The following CNGA1 variants were observed in gnomAD, a reference collection of about 807,000 sequenced individuals.
CNGA1 encodes the protein cyclic nucleotide-gated channel alpha-1.
In CNGA1, 53 loss-of-function variants were observed where a neutral mutation model predicts 69.7. That is an observed-to-expected ratio of 0.76 (90% CI 0.61 to 0.96). CNGA1 has a LOEUF of 0.96. Ranked by LOEUF, CNGA1 falls within the 40% of genes least tolerant of loss-of-function variation. CNGA1 has a pLI of 0.00. For missense variants in CNGA1, 739 were observed against 811.2 expected, an observed-to-expected ratio of 0.91 and a Z score of 1.08; for synonymous variants, 249 against 283.5, an observed-to-expected ratio of 0.88 and a Z score of 1.22.
At chr4:48,007,216 A>C (rs1714958780) in intron 2 of CNGA1, among the ~76,000 whole-genome samples, 1 of 152,214 alleles carries the variant, frequency 6.6e-6, no homozygotes, top group Non-Finnish European at 1.5e-5. Flanking sequence ...AACTTCCATA[A>C]GCCTTTTATA....
chr4:47,972,224 A>G (rs574075843), intron 3 of CNGA1, among the ~76,000 whole-genome samples: 1 of 152,346 alleles, frequency 6.6e-6, no homozygotes, highest in African/African-American at 2.4e-5. Flanking sequence ...ATTCCAGCCT[A>G]TAAATACATA....
chr4:47,954,679 C>G lies in CNGA1; in HGVS notation c.-14-1976G>C, dbSNP rs186725295. Reference sequence around the variant, plus strand: ...CTAATTCCCTACTGGCCTTGATCACCTAGGCGTGGAGTTTGATACCTGCCC... The same window carrying G: ...CTAATTCCCTACTGGCCTTGATCACGTAGGCGTGGAGTTTGATACCTGCCC... On this transcript the variant is annotated intron_variant, in intron 3 of 10. Transcript: ENST00000514170. Among the ~76,000 whole-genome samples, 189 of 152,340 alleles carry G rather than the reference C, an allele frequency of 1.2e-3. 1 individual carries two copies. Among genetic ancestry groups the G allele is most frequent in the African/African-American group, 4.5e-3 (188 of 41,576 alleles).
At chr4:47,937,995 G>A (rs2110131315) in intron 10 of CNGA1, among the ~76,000 whole-genome samples, 166 bp from the exon 11 acceptor site, 1 of 152,060 alleles carries the variant, frequency 6.6e-6, no homozygotes, top group South Asian at 2.1e-4. Context: ...ACCTATGGCT[G>A]TAGAAAATAT....
In CNGA1 at chr4:47,955,533, A is replaced by G. The variant is rs146910395; in HGVS notation, c.-14-2830T>C. On this transcript the variant is annotated intron_variant, in intron 3 of 10. Transcript: ENST00000514170. ...GTCTATGCTATGAGAACAGATTATT[A>G]CTAAGGTACAAAGTGGTGTTCCAGC... Among the ~76,000 whole-genome samples, 19 of 152,228 alleles carry G rather than the reference A, an allele frequency of 1.2e-4. No individual in the cohort carries two copies. In the East Asian group the frequency reaches 3.1e-3, roughly 25 times the overall value.
chr4:47,992,293 A>G (rs1174627218), intron 2 of CNGA1, among the ~76,000 whole-genome samples: 2 of 152,174 alleles, frequency 1.3e-5, no homozygotes, highest in Non-Finnish European at 2.9e-5. Flanking sequence ...CTACCCATCC[A>G]TGAGCATGGG....
intron 3 of CNGA1, among the ~76,000 whole-genome samples, chr4:47,959,869 G>T (rs1453321288): frequency 6.6e-6 from 1 of 152,164 alleles, no homozygotes; most frequent in African/African-American, 2.4e-5. Flanking sequence ...GCCTCCCAAA[G>T]TGCTGGGATT....
intron 10 of CNGA1, 23 bp from the exon 11 acceptor site, chr4:47,937,852 T>A: frequency 6.4e-7 from 1 of 1,552,038 alleles, no homozygotes; most frequent in Non-Finnish European, 8.9e-7. Flanking sequence ...ATAAAATCAA[T>A]TCAGTGTTTC....
At chr4:48,004,334 C>A (rs1467690746) in intron 2 of CNGA1, among the ~76,000 whole-genome samples, 2 of 152,172 alleles carry the variant, frequency 1.3e-5, no homozygotes, top group Non-Finnish European at 2.9e-5. Context: ...GTCTCCGCGT[C>A]TTTGTGGTAG....
intron 3 of CNGA1, among the ~76,000 whole-genome samples, chr4:47,972,636 T>C (rs1741104259): frequency 6.6e-6 from 1 of 152,222 alleles, no homozygotes; most frequent in Non-Finnish European, 1.5e-5. Flanking sequence ...CTCTCATGTG[T>C]TTATTAATCA....
At chr4:47,937,895 A>G (rs1738777496) in intron 10 of CNGA1, 66 bp from the exon 11 acceptor site, 1 of 1,244,098 alleles carries the variant, frequency 8.0e-7, no homozygotes, top group Admixed American at 1.8e-5. Flanking sequence ...TTTTGTGAAT[A>G]ACTGTCAATT....
chr4:48,001,724 G>A (rs1714671798), intron 2 of CNGA1, among the ~76,000 whole-genome samples: 1 of 152,104 alleles, frequency 6.6e-6, no homozygotes, highest in African/African-American at 2.4e-5. Context: ...CCCAGCAACT[G>A]CAGAATACAC....
At chr4:47,945,969 T>C (rs1739372499) in intron 6 of CNGA1, among the ~76,000 whole-genome samples, 1 of 152,140 alleles carries the variant, frequency 6.6e-6, no homozygotes, top group African/African-American at 2.4e-5. Flanking sequence ...GTAATGTACA[T>C]AATTCCTGAA....
chr4:47,994,487 A>G (rs995306033), intron 2 of CNGA1, among the ~76,000 whole-genome samples: 9 of 152,160 alleles, frequency 5.9e-5, no homozygotes, highest in Non-Finnish European at 1.3e-4. Context: ...CTGATGTAAG[A>G]ATCCTGCCTG....
chr4:47,976,187 A>G (rs1393483856), intron 3 of CNGA1, among the ~76,000 whole-genome samples: 1 of 37,180 alleles, frequency 2.7e-5, no homozygotes, highest in African/African-American at 1.1e-4. Flanking sequence ...ACATATATAT[A>G]TACATATATA....
At position 47,936,567 on chromosome 4, in the gene CNGA1, G is replaced by A. The variant is rs750954043; in HGVS notation, c.1915C>T (p.Arg639Ter). ...ATGGACTCATACTCAGCCAAGATTCGGGCAAACCTGGTTTGCAGGAGGTCT... is the reference window on the plus strand; with the variant it reads ...ATGGACTCATACTCAGCCAAGATTCAGGCAAACCTGGTTTGCAGGAGGTCT... ...SVDLLQTRFA[R>*]ILAEYESMQQ... is the part of the protein sequence containing the mutation. The change falls in exon 11 of 11, where the codon CGA (arginine) becomes TGA (stop). Residue 639 changes from arginine (R) to a stop codon, truncating the protein, a stop_gained. Transcript: ENST00000514170. LOFTEE classifies it high-confidence loss of function. The A allele has an allele frequency of 3.0e-5, 49 of 1,614,052 alleles. No homozygotes were observed. The highest frequency in any genetic ancestry group is 2.7e-4 in the East Asian group (12 of 44,876).
At chr4:47,938,759 T>A (rs1461488120) in intron 10 of CNGA1, among the ~76,000 whole-genome samples, 1 of 152,004 alleles carries the variant, frequency 6.6e-6, no homozygotes, top group Non-Finnish European at 1.5e-5. Context: ...CTTTATCCCT[T>A]GATATTTCCT....
Position 47,936,623 on chromosome 4 carries a change from T to C in CNGA1, c.1859A>G (p.Glu620Gly), listed in dbSNP as rs1162212187. The C allele has an allele frequency of 6.2e-7, 1 of 1,614,166 alleles. No homozygotes were observed. Among genetic ancestry groups the C allele is most frequent in the Non-Finnish European group, 8.5e-7 (1 of 1,180,018 alleles). Residue 620 changes from glutamate (E) to glycine (G), a missense_variant, in exon 11 of 11, where the codon GAA becomes GGA. By Grantham distance (98) the Glu-to-Gly change is moderately conservative (BLOSUM62 -2). Transcript: ENST00000514170. ...ANAGSDPKDLEEKVTRMEGSV... is the reference protein window; with the variant it reads ...ANAGSDPKDLGEKVTRMEGSV... The stretch of plus-strand genomic sequence containing the variant: ...CCCCTCCATTCGAGTAACCTTCTCT[T>C]CAAGATCTTTAGGATCACTGCCAGC...
At chr4:47,987,318 T>G (rs1378816166) in intron 2 of CNGA1, among the ~76,000 whole-genome samples, 2 of 152,202 alleles carry the variant, frequency 1.3e-5, no homozygotes, top group Non-Finnish European at 2.9e-5. Context: ...ATTAAATATT[T>G]GATAGTCTGT....
intron 2 of CNGA1, among the ~76,000 whole-genome samples, chr4:47,994,433 C>T (rs1034076358): frequency 1.3e-5 from 2 of 152,008 alleles, no homozygotes; most frequent in Non-Finnish European, 2.9e-5. Flanking sequence ...ATATAATGTT[C>T]CTCTTTGTCT....
Sources: gnomAD v4.1 joint callset for allele counts (sites outside exome capture counted in the v4.1 genomes callset) on GRCh38, gnomAD v4.1.1 for gene constraint, MANE v1.5 for transcripts, NCBI Gene and HGNC (gene_info 2026-07-23, HGNC 2026-07-21) for gene names.